FXN: variants seen among roughly 807,000 people sequenced by gnomAD.
FXN encodes the protein frataxin.
FXN carries 14 observed loss-of-function variants against 22.4 expected under a neutral mutation model. The ratio of observed to expected loss-of-function variants is 0.62; its 90% confidence interval spans 0.41 to 0.98. The LOEUF (loss-of-function observed/expected upper bound fraction) is 0.98, where lower values mean the gene tolerates loss of function less well. FXN is among the 50% of genes least tolerant of loss of function. The pLI is 0.00. For missense variants in FXN, 267 were observed against 268.4 expected, an observed-to-expected ratio of 0.99 and a Z score of 0.04; for synonymous variants, 120 against 114.1, an observed-to-expected ratio of 1.05 and a Z score of -0.33.
intron 1 of FXN, among the ~76,000 whole-genome samples, chr9:69,041,048 A>G (rs1831648864): frequency 1.3e-5 from 2 of 152,250 alleles, no homozygotes; most frequent in Admixed American, 6.5e-5. Flanking sequence ...TCCCAGACTA[A>G]GACAAATAAC....
In FXN at chr9:69,053,410, G is replaced by A. The variant is rs1244520018; in HGVS notation, c.384+150G>A. The A allele has an allele frequency of 1.3e-5, 12 of 918,720 alleles. No individual in the cohort carries two copies. In the East Asian group the frequency reaches 3.0e-4, roughly 23 times the overall value. The allele number at this position is 918,720 out of a possible 1,614,324, so 56.9% of individuals were successfully genotyped here. A position where few individuals can be genotyped will look rare whatever the true frequency, so the allele number is the denominator to read the frequency against. ...ACTAGGGTTCCGGGAGGTGAAGGTTGCAGTGAGCCAAAATCACGCCACTGC... is the reference window on the plus strand; with the variant it reads ...ACTAGGGTTCCGGGAGGTGAAGGTTACAGTGAGCCAAAATCACGCCACTGC... On this transcript the variant is annotated intron_variant, in intron 3 of 4. Coordinates refer to ENST00000484259, the MANE Select transcript of FXN (RefSeq NM_000144.5).
At chr9:69,069,101 C>A (rs764946585) in intron 4 of FXN, among the ~76,000 whole-genome samples, 1 of 152,190 alleles carries the variant, frequency 6.6e-6, no homozygotes, top group African/African-American at 2.4e-5. Context: ...CAGTGGCTCA[C>A]GCCTGTAATC....
At chr9:69,068,531 G>T (rs1479902578) in intron 4 of FXN, among the ~76,000 whole-genome samples, 1 of 152,228 alleles carries the variant, frequency 6.6e-6, no homozygotes, top group African/African-American at 2.4e-5. Context: ...CCTGCTGGCC[G>T]CCACGACATG....
In FXN at chr9:69,060,220, A is replaced by C. The variant is rs940227060; in HGVS notation, c.385-4718A>C. Among the ~76,000 whole-genome samples, 4 of 151,994 alleles carry C rather than the reference A, an allele frequency of 2.6e-5. No homozygotes were observed. In the East Asian group the frequency reaches 7.7e-4, roughly 29 times the overall value. Reference sequence around the variant, plus strand: ...CGTCTCTACTAAAAAAATACAAAAAAATTAGCTGGGCGTGGTGGTGGGCGC... The same window carrying C: ...CGTCTCTACTAAAAAAATACAAAAACATTAGCTGGGCGTGGTGGTGGGCGC... On this transcript the variant is annotated intron_variant, in intron 3 of 4. Coordinates refer to ENST00000484259, the MANE Select transcript of FXN (RefSeq NM_000144.5).
chr9:69,047,812 G>A (rs1009094132), intron 2 of FXN, among the ~76,000 whole-genome samples: 1 of 152,018 alleles, frequency 6.6e-6, no homozygotes, highest in Non-Finnish European at 1.5e-5. Flanking sequence ...CCGCCTCCCG[G>A]GTTCAAGCAA....
chr9:69,043,796 C>T (rs555314316), intron 1 of FXN, among the ~76,000 whole-genome samples: 1 of 152,270 alleles, frequency 6.6e-6, no homozygotes, highest in East Asian at 1.9e-4. Context: ...GTTGGCCAGG[C>T]TAGTCTTGAA....
In FXN at chr9:69,077,046, T is replaced by C; in HGVS notation, c.*4284T>C. On this transcript the variant is annotated 3_prime_UTR_variant, in exon 5 of 5. Transcript: ENST00000484259. ...TCTCTGCCTCAGCCTCCCGAGTAGC[T>C]GGGATTACAGGTGCCTGCCACCACA... 1 of 503,694 alleles carries C rather than the reference T, an allele frequency of 2.0e-6. No homozygotes were observed. Among genetic ancestry groups the C allele is most frequent in the East Asian group, 1.5e-4 (1 of 6,640 alleles). 31.2% of individuals were successfully genotyped at this position (503,694 alleles called of 1,614,324 possible).
rs1832324909 is a variant in FXN, at chr9:69,074,170, C to G, written c.*1408C>G. ...TTGCACTGTAACCTGGGTGACTGAG[C>G]AAAACTCTGTCTCAAAATAATAATA... On this transcript the variant is annotated 3_prime_UTR_variant, in exon 5 of 5. Coordinates refer to ENST00000484259, the MANE Select transcript of FXN (RefSeq NM_000144.5). 1 of 830,612 alleles carries G rather than the reference C, an allele frequency of 1.2e-6. No individual in the cohort carries two copies. Among genetic ancestry groups the G allele is most frequent in the African/African-American group, 1.9e-5 (1 of 53,284 alleles). The allele number at this position is 830,612 out of a possible 1,614,324, so 51.5% of individuals were successfully genotyped here.
At chr9:69,051,574 A>T (rs1366577126) in intron 2 of FXN, among the ~76,000 whole-genome samples, 2 of 152,192 alleles carry the variant, frequency 1.3e-5, no homozygotes, top group African/African-American at 2.4e-5. Flanking sequence ...TATAAAGTTG[A>T]CATTGCTACC....
At chr9:69,062,075 A>G (rs1331975411) in intron 3 of FXN, among the ~76,000 whole-genome samples, 1 of 152,188 alleles carries the variant, frequency 6.6e-6, no homozygotes, top group Non-Finnish European at 1.5e-5. Context: ...ACACTTTGTG[A>G]AATACTAAAA....
Position 69,075,545 on chromosome 9 carries a change from C to T in FXN, c.*2783C>T. On this transcript the variant is annotated 3_prime_UTR_variant, in exon 5 of 5. Coordinates refer to ENST00000484259, the MANE Select transcript of FXN (RefSeq NM_000144.5). ...TCAAAATCATATTCTGTCAAGCAAA[C>T]TGGAAAAGTACCACTGTGTGTACCA... is the stretch of plus-strand genomic sequence containing the variant. The T allele has an allele frequency of 2.0e-6, 2 of 985,116 alleles. No homozygotes were observed. Among genetic ancestry groups the T allele is most frequent in the Non-Finnish European group, 2.4e-6 (2 of 829,780 alleles). The allele number at this position is 985,116 out of a possible 1,614,324, so 61.0% of individuals were successfully genotyped here.
In FXN at chr9:69,059,395, T is replaced by TTTA. The variant is rs1832024195; in HGVS notation, c.385-5541_385-5540insATT. Among the ~76,000 whole-genome samples the TTTA allele has an allele frequency of 2.6e-5, 3 of 116,454 alleles. No individual in the cohort carries two copies. In the South Asian group the frequency reaches 1.0e-3, roughly 39 times the overall value. The allele number at this position is 116,454 out of a possible 152,430, so 76.4% of individuals were successfully genotyped here. On this transcript the variant is annotated intron_variant, in intron 3 of 4. Transcript: ENST00000484259. ...ACCCCTGCTCAGAGGCAGCATCTTT[T>TTTA]TTTTTTTTTTTTTTTTTTTTTTTGA...
chr9:69,049,454 G>T (rs1831814889), intron 2 of FXN, among the ~76,000 whole-genome samples: 1 of 152,126 alleles, frequency 6.6e-6, no homozygotes, highest in Non-Finnish European at 1.5e-5. Context: ...GGGTGGGGAA[G>T]AGGGTCATAT....
Position 69,075,603 on chromosome 9 carries a change from G to A in FXN, c.*2841G>A, listed in dbSNP as rs1362120601. 13 of 985,184 alleles carry A rather than the reference G, an allele frequency of 1.3e-5. No individual in the cohort carries two copies. Among genetic ancestry groups the A allele is most frequent in the Admixed American group, 6.2e-5 (1 of 16,256 alleles). 61.0% of individuals were successfully genotyped at this position (985,184 alleles called of 1,614,324 possible). A position where few individuals can be genotyped will look rare whatever the true frequency, so the allele number is the denominator to read the frequency against. On this transcript the variant is annotated 3_prime_UTR_variant, in exon 5 of 5. Coordinates refer to ENST00000484259, the MANE Select transcript of FXN (RefSeq NM_000144.5). The stretch of plus-strand genomic sequence containing the variant: ...CCCCACCACAGACCCTGGGAGCATC[G>A]CCTCATTTATGGTGTGGTCCAGTCA...
chr9:69,045,336 G>T (rs1283946012), intron 1 of FXN, among the ~76,000 whole-genome samples: 1 of 151,988 alleles, frequency 6.6e-6, no homozygotes, highest in African/African-American at 2.4e-5. Context: ...GGGTGCGGTG[G>T]CTCACATCCA....
rs1564333440 is a variant in FXN, at chr9:69,053,200, GTTT to G, written c.328_330del (p.Phe110del). The G allele has an allele frequency of 6.2e-7, 1 of 1,613,936 alleles. No homozygotes were observed. Among genetic ancestry groups the G allele is most frequent in the South Asian group, 1.1e-5 (1 of 91,076 alleles). On this transcript the variant is annotated inframe_deletion, in exon 3 of 5. Transcript: ENST00000484259. ...AGGAAACGCTGGACTCTTTAGCAGA[GTTT>G]TTTGAAGACCTTGCAGACAAGCCAT...
chr9:69,064,883 G>A (rs1832140905), intron 3 of FXN, 55 bp from the exon 4 acceptor site: 2 of 1,056,788 alleles, frequency 1.9e-6, no homozygotes. Context: ...ATGACAAAGT[G>A]CTAACTTTTT....
intron 1 of FXN, among the ~76,000 whole-genome samples, chr9:69,044,112 T>G (rs1221977854): frequency 6.6e-6 from 1 of 152,198 alleles, no homozygotes; most frequent in Admixed American, 6.5e-5. Flanking sequence ...GGTAACAATG[T>G]TGTGACCAGC....
intron 1 of FXN, among the ~76,000 whole-genome samples, chr9:69,041,565 A>G (rs1432289147): frequency 6.6e-6 from 1 of 152,184 alleles, no homozygotes; most frequent in Non-Finnish European, 1.5e-5. Flanking sequence ...AACTCATTTG[A>G]TGCCAAAAGT....
Sources: allele counts gnomAD v4.1 joint callset (sites outside exome capture counted in the v4.1 genomes callset), GRCh38; gene constraint gnomAD v4.1.1; transcripts MANE v1.5; gene names NCBI Gene and HGNC (gene_info 2026-07-23, HGNC 2026-07-21).